The following ZNF407 variants were observed in gnomAD, a reference collection of about 807,000 sequenced individuals.
ZNF407 encodes zinc finger protein 407.
A neutral mutation model predicts 131.2 loss-of-function variants in ZNF407; 17 were observed. The ratio of observed to expected loss-of-function variants is 0.13; its 90% CI spans 0.09 to 0.19. The LOEUF (loss-of-function observed/expected upper bound fraction) is 0.19. Among genes scored for constraint, ZNF407 ranks in the 10% least tolerant of loss-of-function variants. The pLI, the probability that ZNF407 is intolerant of heterozygous loss-of-function variation, is 1.00. For missense variants in ZNF407, 2,681 were observed against 2,830.6 expected, an observed-to-expected ratio of 0.95 and a Z score of 1.20; for synonymous variants, 1,156 against 1,062.0, an observed-to-expected ratio of 1.09 and a Z score of -1.72.
intron 8 of ZNF407, among the ~76,000 whole-genome samples, chr18:74,985,234 C>T (rs1972639104): frequency 1.3e-5 from 2 of 152,134 alleles, no homozygotes; most frequent in African/African-American, 4.8e-5. Flanking sequence ...GTAATTTTTA[C>T]CTCCTTAAAA....
At chr18:74,687,932 T>C (rs973826796) in intron 3 of ZNF407, among the ~76,000 whole-genome samples, 10 of 152,178 alleles carry the variant, frequency 6.6e-5, no homozygotes, top group Non-Finnish European at 1.5e-4. Flanking sequence ...TTTGTAGTAA[T>C]TATAGAATGC....
intron 1 of ZNF407, among the ~76,000 whole-genome samples, chr18:74,611,670 A>G (rs1206925223): frequency 3.9e-5 from 6 of 152,206 alleles, no homozygotes; most frequent in African/African-American, 1.4e-4. Flanking sequence ...CTTTGGGAGT[A>G]TCTAGTAAAG....
At chr18:74,892,269 T>G (rs900794241) in intron 7 of ZNF407, among the ~76,000 whole-genome samples, 83 of 152,068 alleles carry the variant, frequency 5.5e-4, no homozygotes, top group African/African-American at 1.8e-3. Context: ...TCATGAGGAG[T>G]GCAAGCCATG....
intron 8 of ZNF407, among the ~76,000 whole-genome samples, chr18:75,028,695 C>G (rs1347172544): frequency 6.6e-6 from 1 of 152,212 alleles, no homozygotes; most frequent in Non-Finnish European, 1.5e-5. Context: ...TGGGCCTGCC[C>G]TTGAGAGGCA....
chr18:74,602,363 A>G (rs1265983071), intron 1 of ZNF407, among the ~76,000 whole-genome samples: 1 of 152,190 alleles, frequency 6.6e-6, no homozygotes, highest in Non-Finnish European at 1.5e-5. Context: ...TTAGAGGATT[A>G]TTGCTTTTAT....
At chr18:74,899,205 T>G (rs1971491258) in intron 7 of ZNF407, among the ~76,000 whole-genome samples, 1 of 152,184 alleles carries the variant, frequency 6.6e-6, no homozygotes, top group Non-Finnish European at 1.5e-5. Context: ...GCAAAATCAC[T>G]GGTGCAGTAC....
intron 8 of ZNF407, among the ~76,000 whole-genome samples, chr18:74,984,245 A>G (rs1278870481): frequency 1.3e-5 from 2 of 152,082 alleles, no homozygotes; most frequent in Non-Finnish European, 1.5e-5. Flanking sequence ...TGCCCCTCAC[A>G]TACCTCAGGT....
intron 4 of ZNF407, among the ~76,000 whole-genome samples, chr18:74,826,372 C>G (rs72975431): frequency 0.14 from 20,993 of 152,132 alleles, 1,714 homozygotes; most frequent in African/African-American, 0.22. Context: ...TCAGTCATAA[C>G]TTGTCAAAGT....
chr18:75,012,950 T>A (rs866743992), intron 8 of ZNF407, among the ~76,000 whole-genome samples: 15 of 145,602 alleles, frequency 1.0e-4, no homozygotes, highest in African/African-American at 3.6e-4. Context: ...GGTCCTTTTT[T>A]AAAAAAAAAA....
chr18:74,869,982 C>T (rs923942592), intron 4 of ZNF407, among the ~76,000 whole-genome samples: 1 of 152,128 alleles, frequency 6.6e-6, no homozygotes, highest in Admixed American at 6.5e-5. Context: ...AGTTGATGGT[C>T]TCTTTGACAA....
At chr18:74,904,462 T>C (rs183862594) in intron 7 of ZNF407, among the ~76,000 whole-genome samples, 2 of 152,332 alleles carry the variant, frequency 1.3e-5, no homozygotes, top group Admixed American at 1.3e-4. Context: ...CCTGCCCTCC[T>C]TCCTGTGATG....
intron 4 of ZNF407, among the ~76,000 whole-genome samples, chr18:74,842,481 G>T (rs1970647242): frequency 6.6e-6 from 1 of 152,094 alleles, no homozygotes; most frequent in Admixed American, 6.5e-5. Context: ...TAACAATATT[G>T]TTCATATTGA....
chr18:74,937,649 T>G (rs1972053490), intron 8 of ZNF407, among the ~76,000 whole-genome samples: 1 of 152,178 alleles, frequency 6.6e-6, no homozygotes, highest in Non-Finnish European at 1.5e-5. Context: ...TAAAAGTGGT[T>G]CTAATGGAAT....
intron 8 of ZNF407, among the ~76,000 whole-genome samples, chr18:75,041,990 C>A (rs1356985785): frequency 6.6e-6 from 1 of 151,804 alleles, no homozygotes; most frequent in Non-Finnish European, 1.5e-5. Context: ...TTTTAGGTAT[C>A]TGATTGATAC....
chr18:74,882,973 G>A (rs1189082670), intron 6 of ZNF407, among the ~76,000 whole-genome samples: 1 of 152,224 alleles, frequency 6.6e-6, no homozygotes, highest in Admixed American at 6.5e-5. Flanking sequence ...AGACTGCTGT[G>A]CCACCTCTGC....
chr18:74,880,479 A>G (rs1266582011), intron 5 of ZNF407, among the ~76,000 whole-genome samples: 1 of 152,218 alleles, frequency 6.6e-6, no homozygotes, highest in East Asian at 1.9e-4. Flanking sequence ...TGGTACTAAT[A>G]TAGATTTTAT....
chr18:74,841,195 A>G (rs140803717), intron 4 of ZNF407, among the ~76,000 whole-genome samples: 47 of 152,312 alleles, frequency 3.1e-4, no homozygotes, highest in African/African-American at 1.1e-3. Flanking sequence ...AAGGTGGGCC[A>G]ATTGTTAAAC....
At chr18:74,917,188 G>T (rs986289721) in intron 7 of ZNF407, among the ~76,000 whole-genome samples, 1 of 152,082 alleles carries the variant, frequency 6.6e-6, no homozygotes, top group East Asian at 1.9e-4. Context: ...AGCAGTCTTA[G>T]ATTTTTATTA....
intron 4 of ZNF407, among the ~76,000 whole-genome samples, chr18:74,839,500 A>T (rs1970602955): frequency 6.6e-6 from 1 of 152,126 alleles, no homozygotes; most frequent in Non-Finnish European, 1.5e-5. Context: ...ATCTGATTGG[A>T]GGAGGCTGTT....
Sources: allele counts gnomAD v4.1 joint callset (sites outside exome capture counted in the v4.1 genomes callset), GRCh38; gene constraint gnomAD v4.1.1; transcripts MANE v1.5; gene names NCBI Gene and HGNC (gene_info 2026-07-23, HGNC 2026-07-21).